Variants in TRPM7 observed in about 807,000 individuals in gnomAD.
TRPM7 encodes the protein transient receptor potential cation channel subfamily M member 7, also known as LTRPC ion channel family member 7.
TRPM7 carries 134 observed loss-of-function variants against 229.7 expected under a neutral mutation model. That is an observed-to-expected ratio of 0.58 (90% CI 0.51 to 0.67). The LOEUF (loss-of-function observed/expected upper bound fraction) is 0.67. Ranked by LOEUF, TRPM7 falls within the 30% of genes least tolerant of loss-of-function variation. TRPM7 has a pLI of 0.00. For synonymous variants in TRPM7, 699 were observed against 715.2 expected, an observed-to-expected ratio of 0.98 and a Z score of 0.36; for missense variants, 1,901 against 2,210.0, an observed-to-expected ratio of 0.86 and a Z score of 2.80.
intron 1 of TRPM7, among the ~76,000 whole-genome samples, chr15:50,678,316 T>C (rs948208991): frequency 8.0e-5 from 12 of 150,670 alleles, no homozygotes; most frequent in African/African-American, 2.9e-4. Context: ...TGTGATAAAT[T>C]TGTACATGGG....
chr15:50,675,396 T>C (rs1481552878), intron 1 of TRPM7, among the ~76,000 whole-genome samples: 2 of 152,034 alleles, frequency 1.3e-5, no homozygotes, highest in African/African-American at 4.8e-5. Context: ...TTCACCAATT[T>C]TGTTTATTTC....
intron 20 of TRPM7, among the ~76,000 whole-genome samples, chr15:50,606,015 A>G (rs553342081): frequency 6.6e-5 from 10 of 152,296 alleles, no homozygotes; most frequent in African/African-American, 2.4e-4. Context: ...TATTTTTGCA[A>G]TTTCTTGTAT....
intron 26 of TRPM7, among the ~76,000 whole-genome samples, 154 bp downstream of exon 26, chr15:50,591,757 C>A (rs7181853): frequency 4.4e-4 from 67 of 152,208 alleles, no homozygotes; most frequent in African/African-American, 1.5e-3. Flanking sequence ...CTCAGCCTCC[C>A]AAAGTACCAG....
At chr15:50,564,271 A>G (rs143048799) in intron 38 of TRPM7, among the ~76,000 whole-genome samples, 2 of 67,216 alleles carry the variant, frequency 3.0e-5, no homozygotes, top group African/African-American at 7.2e-5. Flanking sequence ...AATAAAATAA[A>G]ATAAAATAAA....
rs749871106 is a variant in TRPM7, at chr15:50,605,031, T to C, written c.2823A>G (p.Leu941=). ...CAAAGTTCCATTTTGCTCCAAATCTTAGTCCAAATCCAATGAAGAAAGAAA... is the reference window on the plus strand; with the variant it reads ...CAAAGTTCCATTTTGCTCCAAATCTCAGTCCAAATCCAATGAAGAAAGAAA... The part of the protein sequence containing the change: ...AIISFFIGFG[L]RFGAKWNFAN... The change falls in exon 21 of 39, where the codon CTA becomes CTG. Residue 941 remains leucine (L), a synonymous_variant. Transcript: ENST00000646667. 8.1e-6 allele frequency: 13 copies of C among 1,613,968 alleles called. 1 individual carries two copies. The Admixed American group carries it at 2.0e-4, about 25-fold the overall frequency.
At chr15:50,597,272 T>C (rs16963790) in intron 22 of TRPM7, among the ~76,000 whole-genome samples, 10,114 of 152,148 alleles carry the variant, frequency 0.066, 490 homozygotes, top group African/African-American at 0.14. Context: ...CCAACAGCAT[T>C]ACAAGGAATA....
At chr15:50,625,125 C>A (rs1024766836) in intron 11 of TRPM7, among the ~76,000 whole-genome samples, 1 of 152,082 alleles carries the variant, frequency 6.6e-6, no homozygotes, top group African/African-American at 2.4e-5. Flanking sequence ...AGGTATTTCA[C>A]TGAGTTTTAT....
intron 26 of TRPM7, 133 bp from the exon 27 acceptor site, chr15:50,589,789 C>T (rs545993382): frequency 7.7e-6 from 4 of 516,914 alleles, no homozygotes; most frequent in African/African-American, 6.0e-5. Context: ...CTGCAGTCTC[C>T]TTTAGCTCTT....
intron 1 of TRPM7, among the ~76,000 whole-genome samples, chr15:50,680,589 C>T (rs1195276726): frequency 6.7e-6 from 1 of 150,090 alleles, no homozygotes; most frequent in Non-Finnish European, 1.5e-5. Context: ...AAAACAAAAA[C>T]CAGACAACTG....
intron 11 of TRPM7, among the ~76,000 whole-genome samples, 166 bp from the exon 12 acceptor site, chr15:50,624,466 G>C (rs892622614): frequency 6.6e-6 from 1 of 152,122 alleles, no homozygotes; most frequent in Non-Finnish European, 1.5e-5. Flanking sequence ...TAGGTGTTTA[G>C]GGAATAGATT....
intron 19 of TRPM7, among the ~76,000 whole-genome samples, chr15:50,608,013 C>T (rs541363568): frequency 2.8e-5 from 4 of 145,302 alleles, no homozygotes; most frequent in African/African-American, 1.0e-4. Flanking sequence ...TGAGATCATG[C>T]CATTGTACTC....
At chr15:50,570,352 G>A (rs1489605198) in intron 36 of TRPM7, among the ~76,000 whole-genome samples, 197 bp from the exon 37 acceptor site, 1 of 152,140 alleles carries the variant, frequency 6.6e-6, no homozygotes, top group African/African-American at 2.4e-5. Context: ...TTCTACCAGG[G>A]AGAGGCATAT....
In TRPM7 at chr15:50,574,979, C is replaced by T; in HGVS notation, c.4892G>A (p.Cys1631Tyr). 6.2e-7 allele frequency: 1 copy of T among 1,614,112 alleles called. No homozygotes were observed. The highest frequency in any genetic ancestry group is 1.1e-5 in the South Asian group (1 of 91,080). ...GGLRRAVKVQ[C>Y]TWSEHDILKS... is the part of the protein sequence containing the mutation. ...GAGGATATCATGTTCTGACCAGGTA[C>T]ACTGTACTTTGACAGCTCTTCGTAA... Residue 1631 changes from cysteine (C) to tyrosine (Y), a missense_variant, in exon 34 of 39, where the codon TGT becomes TAT. Cys to Tyr is a radical substitution (Grantham distance 194). Transcript: ENST00000646667.
chr15:50,655,604 A>G (rs1387189320), intron 3 of TRPM7, among the ~76,000 whole-genome samples: 1 of 152,178 alleles, frequency 6.6e-6, no homozygotes, highest in Non-Finnish European at 1.5e-5. Flanking sequence ...AAGTAGCTAG[A>G]GAAGAAAAAG....
At chr15:50,673,387 C>T in intron 1 of TRPM7, among the ~76,000 whole-genome samples, 1 of 152,118 alleles carries the variant, frequency 6.6e-6, no homozygotes, top group East Asian at 1.9e-4. Context: ...GTACACACTG[C>T]ACCCTATTTG....
chr15:50,612,643 A>C lies in TRPM7; in HGVS notation c.1957T>G (p.Leu653Val), dbSNP rs748091830. Residue 653 changes from leucine to valine, a missense_variant, in exon 16 of 39, where the codon TTA (leucine) becomes GTA (valine). By Grantham distance (32) the Leu-to-Val change is conservative. Transcript: ENST00000646667. ...QHGEESMAKA[L>V]VACKIYRSMA... is the part of the protein sequence containing the mutation. ...GAACGATAGATCTTACAGGCAACTA[A>C]TGCTTTAGCCATTGATTCTTCACCA... The C allele has an allele frequency of 6.2e-7, 1 of 1,614,192 alleles. No individual in the cohort carries two copies. Among genetic ancestry groups the C allele is most frequent in the Non-Finnish European group, 8.5e-7 (1 of 1,180,014 alleles).
At chr15:50,571,036 T>C (rs1354060544) in intron 36 of TRPM7, among the ~76,000 whole-genome samples, 1 of 152,148 alleles carries the variant, frequency 6.6e-6, no homozygotes, top group East Asian at 1.9e-4. Flanking sequence ...TTCCAGTCTC[T>C]TACATATTCA....
At chr15:50,642,169 C>A (rs2061122366) in intron 5 of TRPM7, among the ~76,000 whole-genome samples, 2 of 152,132 alleles carry the variant, frequency 1.3e-5, no homozygotes, top group South Asian at 4.1e-4. Context: ...TTTTTGAAAG[C>A]TACTTCTTAC....
rs948766003 is a variant in TRPM7, at chr15:50,560,342, C to T, written c.*1336G>A. The T allele has an allele frequency of 7.2e-5, 11 of 152,398 alleles. No homozygotes were observed. Among genetic ancestry groups the T allele is most frequent in the Non-Finnish European group, 2.9e-5 (2 of 67,958 alleles). The allele number at this position is 152,398 out of a possible 1,614,324, so 9.4% of individuals were successfully genotyped here. ...TTTCTTTTAAAGATTTAATGATATA[C>T]AAAACGTATATAGTATCTTTAAGTA... On this transcript the variant is annotated 3_prime_UTR_variant, in exon 39 of 39. Coordinates refer to ENST00000646667, the MANE Select transcript of TRPM7 (RefSeq NM_017672.6).
Sources: gnomAD v4.1 joint callset for allele counts (sites outside exome capture counted in the v4.1 genomes callset) on GRCh38, gnomAD v4.1.1 for gene constraint, MANE v1.5 for transcripts, NCBI Gene and HGNC (gene_info 2026-07-23, HGNC 2026-07-21) for gene names.